Variants in RALGAPA1 observed in about 807,000 individuals in gnomAD.
The protein encoded by RALGAPA1 is ral GTPase-activating protein subunit alpha-1.
Under a neutral mutation model 269.6 loss-of-function variants are expected in RALGAPA1, and 52 were observed. That is an observed-to-expected ratio of 0.19 (90% CI 0.15 to 0.24). The LOEUF is 0.24. RALGAPA1 is among the 10% of genes least tolerant of loss of function. RALGAPA1 has a pLI of 1.00. For missense variants in RALGAPA1, 1,917 were observed against 3,013.9 expected (o/e 0.64, Z 8.52); for synonymous variants, 817 against 1,008.3 (o/e 0.81, Z 3.60).
intron 1 of RALGAPA1, among the ~76,000 whole-genome samples, chr14:35,795,380 T>A (rs1162329107): frequency 6.6e-6 from 1 of 151,868 alleles, no homozygotes; most frequent in South Asian, 2.1e-4. Context: ...CCTTTAAGTA[T>A]GATGATAGTA....
intron 26 of RALGAPA1, among the ~76,000 whole-genome samples, chr14:35,668,237 C>A (rs979499578): frequency 1.3e-5 from 2 of 152,206 alleles, no homozygotes; most frequent in Admixed American, 6.5e-5. Context: ...AATCCTAGGA[C>A]TTTGGGAGGC....
At chr14:35,746,685 A>C (rs1245345734) in intron 10 of RALGAPA1, among the ~76,000 whole-genome samples, 1 of 152,192 alleles carries the variant, frequency 6.6e-6, no homozygotes, top group Non-Finnish European at 1.5e-5. Context: ...AAGGGAAGAA[A>C]TCATGATAAA....
chr14:35,787,953 G>A (rs1173063622), intron 1 of RALGAPA1, among the ~76,000 whole-genome samples: 2 of 151,688 alleles, frequency 1.3e-5, no homozygotes, highest in Non-Finnish European at 2.9e-5. Context: ...ATCATTCAGG[G>A]ATTTCTACTC....
rs1253737986 is a variant in RALGAPA1 at position 35,651,704 on chromosome 14, G to T, written c.5676+101C>A. The T allele has an allele frequency of 1.1e-5, 11 of 1,043,052 alleles. No individual in the cohort carries two copies. In the Admixed American group the frequency reaches 3.0e-4, roughly 29 times the overall value. 64.6% of individuals were successfully genotyped at this position (1,043,052 alleles called of 1,614,324 possible). A position where few individuals can be genotyped will look rare whatever the true frequency, so the allele number is the denominator to read the frequency against. ...CACATTATAGTAGATTCTGAACAAG[G>T]ATAAATTTTTACCATGTAAATATAC... On this transcript the variant is annotated intron_variant, in intron 31 of 41. Coordinates refer to ENST00000680220, the MANE Select transcript of RALGAPA1 (RefSeq NM_001346249.2).
At position 35,688,624 on chromosome 14, in the gene RALGAPA1, C is replaced by T. The variant is rs1446941902; in HGVS notation, c.3787G>A (p.Gly1263Arg). The T allele has an allele frequency of 6.5e-7, 1 of 1,534,248 alleles. No homozygotes were observed. The highest frequency in any genetic ancestry group is 2.4e-5 in the East Asian group (1 of 40,934). The change falls in exon 18 of 42, where the codon GGA becomes AGA. Residue 1263 changes from glycine (G) to arginine (R), a missense_variant. Around this residue, in one of 11 missense-constraint regions of RALGAPA1, gnomAD observed 615 missense variants for 790.0 expected, o/e 0.78. Coordinates refer to ENST00000680220, the MANE Select transcript of RALGAPA1 (RefSeq NM_001346249.2). Reference protein sequence around the residue: ...STLRSSSHEAGLQQGSLGGVY... With the variant: ...STLRSSSHEARLQQGSLGGVY... ...CCACCCAGGGAGCCCTGCTGTAGTC[C>T]TGCCTCATGACTTGATGACCTAAGA... is the stretch of plus-strand genomic sequence containing the variant.
At position 35,692,064 on chromosome 14, in the gene RALGAPA1, C is replaced by T. The variant is rs541565916; in HGVS notation, c.2408-2061G>A. Among the ~76,000 whole-genome samples, 5 of 152,146 alleles carry T rather than the reference C, an allele frequency of 3.3e-5. No individual in the cohort carries two copies. In the South Asian group the frequency reaches 6.2e-4, roughly 19 times the overall value. ...TGCATCTTGACAAACATAAATATTT[C>T]GGTTTTTTACATCTGCCATAAGAGA... On this transcript the variant is annotated intron_variant, in intron 17 of 41. Transcript: ENST00000680220.
chr14:35,780,352 A>C (rs1214597679), intron 1 of RALGAPA1, among the ~76,000 whole-genome samples: 1 of 152,210 alleles, frequency 6.6e-6, no homozygotes, highest in Non-Finnish European at 1.5e-5. Flanking sequence ...GAAGACCTAA[A>C]CAATACTATA....
intron 16 of RALGAPA1, 27 bp from the exon 17 acceptor site, chr14:35,700,329 G>A (rs1156970203): frequency 3.4e-6 from 5 of 1,483,050 alleles, no homozygotes; most frequent in Admixed American, 2.6e-5. Context: ...GAAAGAAGTG[G>A]GGAAGGAAAA....
intron 31 of RALGAPA1, among the ~76,000 whole-genome samples, chr14:35,649,885 A>G (rs1051897670): frequency 9.2e-5 from 14 of 152,214 alleles, no homozygotes; most frequent in African/African-American, 3.4e-4. Flanking sequence ...TTTTATGATA[A>G]ATAAATGTTT....
At chr14:35,542,139 C>T in intron 41 of RALGAPA1, 1 of 506,290 alleles carries the variant, frequency 2.0e-6, no homozygotes, top group Non-Finnish European at 3.2e-6. Context: ...GCATGTTATC[C>T]TAATCACTCA....
intron 30 of RALGAPA1, 96 bp from the exon 31 acceptor site, chr14:35,651,969 C>T (rs1475706162): frequency 3.3e-6 from 3 of 922,314 alleles, no homozygotes; most frequent in Non-Finnish European, 4.8e-6. Context: ...TGATACAAAA[C>T]CTACTACTGC....
intron 37 of RALGAPA1, among the ~76,000 whole-genome samples, chr14:35,589,157 T>C (rs934679918): frequency 1.3e-5 from 2 of 152,208 alleles, no homozygotes; most frequent in African/African-American, 4.8e-5. Context: ...CTTCAAATAA[T>C]GTCATATCCT....
chr14:35,635,248 T>G (rs1009208172), intron 32 of RALGAPA1, among the ~76,000 whole-genome samples: 6 of 152,144 alleles, frequency 3.9e-5, no homozygotes, highest in African/African-American at 1.4e-4. Flanking sequence ...TATACTCATA[T>G]GTAACAATGA....
At chr14:35,618,119 A>G (rs2139430593) in intron 35 of RALGAPA1, among the ~76,000 whole-genome samples, 1 of 152,296 alleles carries the variant, frequency 6.6e-6, no homozygotes, top group African/African-American at 2.4e-5. Flanking sequence ...ACTTTAAGCA[A>G]CAGATAATAT....
At chr14:35,765,832 AAAGGT>A in intron 4 of RALGAPA1, 1 of 618,754 alleles carries the variant, frequency 1.6e-6, no homozygotes, top group East Asian at 2.9e-5. Context: ...AAATATGCTG[AAAGGT>A]AATGCTATAG....
chr14:35,753,194 A>G (rs2072882898), intron 7 of RALGAPA1, among the ~76,000 whole-genome samples: 1 of 152,216 alleles, frequency 6.6e-6, no homozygotes, highest in African/African-American at 2.4e-5. Flanking sequence ...ATTCAAAGGC[A>G]TAGGATTCAG....
intron 31 of RALGAPA1, among the ~76,000 whole-genome samples, chr14:35,644,134 A>T (rs1360657769): frequency 6.6e-6 from 1 of 152,192 alleles, no homozygotes; most frequent in Non-Finnish European, 1.5e-5. Context: ...TCTCTGTCAA[A>T]ATATCCCATG....
At chr14:35,606,756 T>TA (rs200605816) in intron 35 of RALGAPA1, among the ~76,000 whole-genome samples, 45,134 of 141,154 alleles carry the variant, frequency 0.32, 9,216 homozygotes, top group African/African-American at 0.59. Flanking sequence ...ATGTAGGAAT[T>TA]AAAAAAAAAA....
chr14:35,651,963 A>G, intron 30 of RALGAPA1, 90 bp from the exon 31 acceptor site: 1 of 1,032,642 alleles, frequency 9.7e-7, no homozygotes, highest in East Asian at 2.6e-5. Context: ...CTGAAGTGAT[A>G]CAAAACCTAC....
Sources: allele counts gnomAD v4.1 joint callset (sites outside exome capture counted in the v4.1 genomes callset), GRCh38; gene constraint gnomAD v4.1.1; regional missense constraint gnomAD v4.1.1; transcripts MANE v1.5; gene names NCBI Gene and HGNC (gene_info 2026-07-23, HGNC 2026-07-21).